The following ACAD9 variants were observed in gnomAD, a reference collection of about 807,000 sequenced individuals.
The protein encoded by ACAD9 is complex I assembly factor ACAD9, mitochondrial.
ACAD9 carries 53 observed loss-of-function variants against 70.2 expected under a neutral mutation model. The observed-to-expected ratio is 0.75, with a 90% confidence interval of 0.61 to 0.95. ACAD9 has a LOEUF of 0.95. Ranked by LOEUF, ACAD9 falls within the 40% of genes least tolerant of loss-of-function variation. The probability of loss-of-function intolerance (pLI) is 0.00; values close to 1 mark genes in which losing one functional copy is unlikely to be tolerated. For synonymous variants in ACAD9, 313 were observed against 312.1 expected, an observed-to-expected ratio of 1.00 and a Z score of -0.03; for missense variants, 777 against 802.8, an observed-to-expected ratio of 0.97 and a Z score of 0.39.
Position 128,902,248 on chromosome 3 carries a change from A to C in ACAD9, c.883-305A>C, listed in dbSNP as rs528023119. On this transcript the variant is annotated intron_variant, in intron 8 of 17. Coordinates refer to ENST00000308982, the MANE Select transcript of ACAD9 (RefSeq NM_014049.5). This position sits in a 1 kb window ranked among gnomAD's most constrained non-coding sequence, Gnocchi z 4.0. ...TAAAAGTAGAATTTCTGTTTGGCCC[A>C]AGTTGGTCTTGAACTCCTGGGCTCA... Among the ~76,000 whole-genome samples the C allele has an allele frequency of 6.6e-6, 1 of 152,356 alleles. No homozygotes were observed. The highest frequency in any genetic ancestry group is 1.9e-4 in the East Asian group (1 of 5,192).
intron 17 of ACAD9, among the ~76,000 whole-genome samples, chr3:128,911,386 G>A (rs1256529675): frequency 6.6e-6 from 1 of 151,982 alleles, no homozygotes; most frequent in East Asian, 1.9e-4. Flanking sequence ...TTGAGCAAGT[G>A]CAGAGCCCTT....
In ACAD9 at chr3:128,910,138, C is replaced by T. The variant is rs1204240092; in HGVS notation, c.1681C>T (p.His561Tyr). ...CTCCATCCGCATTGGGCTCCGCAAC[C>T]ACGACCACGAGGTGAGCCCAGCCCA... ...SRSIRIGLRNHDHEVLLANTF... is the reference protein window; with the variant it reads ...SRSIRIGLRNYDHEVLLANTF... The change falls in exon 16 of 18, where the codon CAC becomes TAC. Residue 561 changes from histidine (H) to tyrosine (Y), a missense_variant. His to Tyr is a moderately conservative substitution (Grantham distance 83). Transcript: ENST00000308982. 1 of 1,614,066 alleles carries T rather than the reference C, an allele frequency of 6.2e-7. No individual in the cohort carries two copies. The highest frequency in any genetic ancestry group is 2.2e-5 in the East Asian group (1 of 44,890).
intron 17 of ACAD9, among the ~76,000 whole-genome samples, chr3:128,911,047 GTA>G (rs1043092053): frequency 1.3e-5 from 2 of 151,862 alleles, no homozygotes; most frequent in African/African-American, 4.8e-5. Context: ...GTGTGTGTGT[GTA>G]TGTATGTATG....
At chr3:128,904,353 A>G (rs1935827360) in intron 10 of ACAD9, 33 bp from the exon 11 acceptor site, 2 of 1,614,000 alleles carry the variant, frequency 1.2e-6, no homozygotes, top group Admixed American at 1.7e-5. Context: ...AGCACATGCA[A>G]ATTGTTTCTT....
intron 6 of ACAD9, among the ~76,000 whole-genome samples, chr3:128,898,197 G>A (rs1016503259): frequency 6.6e-6 from 1 of 151,936 alleles, no homozygotes; most frequent in Non-Finnish European, 1.5e-5. Flanking sequence ...GTTACACAAA[G>A]TTTCAGACAT....
chr3:128,882,584 C>G (rs1307819767), intron 1 of ACAD9, among the ~76,000 whole-genome samples: 1 of 152,108 alleles, frequency 6.6e-6, no homozygotes, highest in Non-Finnish European at 1.5e-5. Flanking sequence ...GTCACCCTGC[C>G]CTAAGCTGGA....
chr3:128,898,566 T>C (rs751698306), intron 6 of ACAD9: 1 of 336,042 alleles, frequency 3.0e-6, no homozygotes, highest in Non-Finnish European at 5.8e-6. Flanking sequence ...GCTAACTCTT[T>C]GTATTTTTTT....
chr3:128,895,269 C>A lies in ACAD9; in HGVS notation c.347-41C>A, dbSNP rs775382898. The A allele has an allele frequency of 2.2e-5, 33 of 1,503,062 alleles. No homozygotes were observed. The South Asian group carries it at 2.9e-4, about 13-fold the overall frequency. 93.1% of individuals were successfully genotyped at this position (1,503,062 alleles called of 1,614,324 possible). A position where few individuals can be genotyped will look rare whatever the true frequency, so the allele number is the denominator to read the frequency against. On this transcript the variant is annotated intron_variant, in intron 3 of 17. Coordinates refer to ENST00000308982, the MANE Select transcript of ACAD9 (RefSeq NM_014049.5). ...CCAATGAAGCCTTAATGGGAGGAAT[C>A]TAGGGCTGGGCTGTGATTGACGCTG...
At chr3:128,879,864 C>T in intron 1 of ACAD9, 23 bp downstream of exon 1, 1 of 1,613,840 alleles carries the variant, frequency 6.2e-7, no homozygotes. Context: ...CTGGGCGAAC[C>T]CTTGCTGTCT....
At position 128,908,986 on chromosome 3, in the gene ACAD9, G is replaced by T. The variant is rs1419058120; in HGVS notation, c.1372G>T (p.Ala458Ser). Residue 458 changes from alanine (A) to serine (S), a missense_variant, in exon 14 of 18, where the codon GCC (alanine) becomes TCC (serine). Ala to Ser is a moderately conservative substitution (Grantham distance 99). Transcript: ENST00000308982. The stretch of plus-strand genomic sequence containing the variant: ...GACTTTCTGCAGTGAGCTTAAACAG[G>T]CCAAAGTGAGCACAGTCATGGATAC... ...LTTRIHELKQ[A>S]KVSTVMDTVG... 4 of 1,614,026 alleles carry T rather than the reference G, an allele frequency of 2.5e-6. No individual in the cohort carries two copies. In the African/African-American group the frequency reaches 5.3e-5, roughly 22 times the overall value.
chr3:128,905,516 C>T (rs1199140862), intron 11 of ACAD9, among the ~76,000 whole-genome samples: 2 of 152,096 alleles, frequency 1.3e-5, no homozygotes, highest in Non-Finnish European at 2.9e-5. Flanking sequence ...GGAGAGTCTA[C>T]CTAAAAGGTT....
At chr3:128,883,434 T>A (rs1343658315) in intron 1 of ACAD9, among the ~76,000 whole-genome samples, 1 of 151,726 alleles carries the variant, frequency 6.6e-6, no homozygotes, top group Admixed American at 6.6e-5. Flanking sequence ...CTCGGCTCAC[T>A]GCAACCTCCA....
chr3:128,881,310 C>T (rs1935085006), intron 1 of ACAD9, among the ~76,000 whole-genome samples: 1 of 152,204 alleles, frequency 6.6e-6, no homozygotes, highest in African/African-American at 2.4e-5. Flanking sequence ...AAACCTCTGG[C>T]ACTACCTGCC....
intron 16 of ACAD9, 142 bp from the exon 17 acceptor site, chr3:128,910,599 G>C: frequency 1.1e-6 from 1 of 931,498 alleles, no homozygotes; most frequent in East Asian, 2.4e-5. Flanking sequence ...GCTGGAATTA[G>C]AACCCAAGAC....
chr3:128,884,365 C>T (rs1383347038), intron 1 of ACAD9, among the ~76,000 whole-genome samples: 1 of 152,140 alleles, frequency 6.6e-6, no homozygotes, highest in African/African-American at 2.4e-5. Context: ...TCTTGGGCTC[C>T]TTGTTTCATG....
rs772277422 is a variant in ACAD9 at position 128,909,098 on chromosome 3, C to T, written c.1484C>T (p.Ala495Val). Residue 495 changes from alanine to valine, a missense_variant and splice_region_variant, in exon 14 of 18, where the codon GCG becomes GTG. Coordinates refer to ENST00000308982, the MANE Select transcript of ACAD9 (RefSeq NM_014049.5). The part of the protein sequence containing the change: ...GNHGVVHPSL[A>V]DSANKFEENT... ...CATGGAGTTGTGCACCCCAGTCTTG[C>T]GGTGAGTGGGCCTAACAGGCATACC... The T allele has an allele frequency of 1.1e-5, 18 of 1,613,930 alleles. No homozygotes were observed. The highest frequency in any genetic ancestry group is 1.7e-5 in the Admixed American group (1 of 60,018).
At chr3:128,906,924 G>A (rs1935909304) in intron 12 of ACAD9, among the ~76,000 whole-genome samples, 1 of 152,208 alleles carries the variant, frequency 6.6e-6, no homozygotes, top group Non-Finnish European at 1.5e-5. Flanking sequence ...GCATTATTTG[G>A]TTGTATCTGT....
At chr3:128,900,913 CTT>C (rs1306068603) in intron 7 of ACAD9, among the ~76,000 whole-genome samples, 2 of 152,146 alleles carry the variant, frequency 1.3e-5, no homozygotes, top group African/African-American at 4.8e-5. Flanking sequence ...TGTTCTGGCT[CTT>C]TATATGCCTG....
At chr3:128,907,629 A>G (rs1436680288) in intron 12 of ACAD9, among the ~76,000 whole-genome samples, 1 of 152,188 alleles carries the variant, frequency 6.6e-6, no homozygotes, top group Non-Finnish European at 1.5e-5. Flanking sequence ...AGCCTGGGTC[A>G]GGCCCCTGCA....
Sources: gnomAD v4.1 joint callset for allele counts (sites outside exome capture counted in the v4.1 genomes callset) on GRCh38, gnomAD v4.1.1 for gene constraint, Gnocchi (gnomAD v3.1) non-coding constraint, MANE v1.5 for transcripts, NCBI Gene and HGNC (gene_info 2026-07-23, HGNC 2026-07-21) for gene names.